Variants in PLAC1 observed in about 807,000 individuals in gnomAD.
PLAC1 encodes the protein placenta associated 1.
For synonymous variants in PLAC1, 68 were observed against 62.1 expected (o/e 1.09, Z -0.44); for missense variants, 136 against 163.2 (o/e 0.83, Z 0.91).
intron 1 of PLAC1, among the ~76,000 whole-genome samples, chrX:134,756,944 A>G (rs1000164811): frequency 8.9e-6 from 1 of 111,999 alleles, no homozygotes; most frequent in South Asian, 3.7e-4. Context: ...GCACGAGTCC[A>G]ATAATGGTAA....
intron 1 of PLAC1, among the ~76,000 whole-genome samples, chrX:134,758,175 A>C (rs1254278189): frequency 1.8e-5 from 2 of 110,811 alleles, no homozygotes; most frequent in Non-Finnish European, 3.8e-5. Flanking sequence ...GAAAAAAAAA[A>C]CCCATGCTCA....
At chrX:134,671,339 G>C (rs138055327) in intron 2 of PLAC1, among the ~76,000 whole-genome samples, 3 of 111,910 alleles carry the variant, frequency 2.7e-5, no homozygotes, top group African/African-American at 6.5e-5. Flanking sequence ...TGGGGAACAG[G>C]GGGGAAGGCT....
chrX:134,745,452 T>C, intron 1 of PLAC1, among the ~76,000 whole-genome samples: 1 of 111,646 alleles, frequency 9.0e-6, no homozygotes, highest in Non-Finnish European at 1.9e-5. Context: ...TATACTTACG[T>C]TAAACAATGT....
chrX:134,609,834 T>C (rs1445727266), intron 1 of PLAC1, among the ~76,000 whole-genome samples: 1 of 111,754 alleles, frequency 8.9e-6, no homozygotes, highest in East Asian at 2.8e-4. Flanking sequence ...CATGACCTCA[T>C]CTAAATCTAA....
At chrX:134,734,427 A>G (rs2078697488) in intron 1 of PLAC1, among the ~76,000 whole-genome samples, 1 of 112,332 alleles carries the variant, frequency 8.9e-6, no homozygotes, top group Non-Finnish European at 1.9e-5. Context: ...GACCTGCAGG[A>G]GTTAAAATGC....
chrX:134,711,427 A>G (rs1305151999), intron 2 of PLAC1, among the ~76,000 whole-genome samples: 2 of 112,114 alleles, frequency 1.8e-5, no homozygotes, highest in Non-Finnish European at 3.8e-5. Context: ...CACACAATTT[A>G]AATATTTCTT....
chrX:134,648,832 CT>C (rs1275600809), intron 1 of PLAC1, among the ~76,000 whole-genome samples: 1 of 112,228 alleles, frequency 8.9e-6, no homozygotes, highest in Non-Finnish European at 1.9e-5. Flanking sequence ...CTCTCTACTG[CT>C]TAAGCTAAGA....
At chrX:134,657,297 C>T (rs1451463013) in intron 1 of PLAC1, among the ~76,000 whole-genome samples, 1 of 112,386 alleles carries the variant, frequency 8.9e-6, no homozygotes, top group Non-Finnish European at 1.9e-5. Context: ...AAAATGCATT[C>T]AGTACCCTAA....
intron 1 of PLAC1, among the ~76,000 whole-genome samples, chrX:134,736,844 T>G (rs1176448323): frequency 8.9e-6 from 1 of 112,062 alleles, no homozygotes; most frequent in Non-Finnish European, 1.9e-5. Context: ...CGAAGGGCAT[T>G]GTGTTTGATT....
intron 1 of PLAC1, among the ~76,000 whole-genome samples, chrX:134,753,926 T>C (rs2078750551): frequency 9.0e-6 from 1 of 111,576 alleles, no homozygotes; most frequent in Admixed American, 9.5e-5. Context: ...AAAACTTAAA[T>C]ACCCCGGATG....
At chrX:134,749,408 T>C (rs1208951896) in intron 1 of PLAC1, among the ~76,000 whole-genome samples, 1 of 111,645 alleles carries the variant, frequency 9.0e-6, no homozygotes, top group Admixed American at 9.5e-5. Flanking sequence ...AGTGGGAGGA[T>C]CCCTTGAACC....
intron 2 of PLAC1, among the ~76,000 whole-genome samples, chrX:134,665,889 A>C (rs952282826): frequency 2.7e-5 from 3 of 110,953 alleles, no homozygotes; most frequent in South Asian, 7.8e-4. Flanking sequence ...TGGGCCTTGT[A>C]TCACCTCCTT....
Position 134,570,867 on chromosome X carries a change from C to T in PLAC1, c.-58-4127G>A, listed in dbSNP as rs1602784679. On this transcript the variant is annotated intron_variant, in intron 2 of 2. Transcript: ENST00000359237. Reference sequence around the variant, plus strand: ...TCTTTCCCTTTTTTTCAAGAACTCCCTAATAAGCCTTAATAAATTTTCTAC... The same window carrying T: ...TCTTTCCCTTTTTTTCAAGAACTCCTTAATAAGCCTTAATAAATTTTCTAC... Among the ~76,000 whole-genome samples, 5 of 112,073 alleles carry T rather than the reference C, an allele frequency of 4.5e-5. No homozygotes were observed. The South Asian group carries it at 1.9e-3, about 42-fold the overall frequency.
intron 2 of PLAC1, among the ~76,000 whole-genome samples, chrX:134,723,308 CTT>C (rs150713448): frequency 3.0e-4 from 29 of 96,283 alleles, no homozygotes; most frequent in Non-Finnish European, 2.5e-4. Context: ...AATTGTATTA[CTT>C]TTTTTTTTTT....
chrX:134,684,706 C>T (rs772032542), intron 2 of PLAC1, among the ~76,000 whole-genome samples: 1 of 111,717 alleles, frequency 9.0e-6, no homozygotes, highest in East Asian at 2.8e-4. Context: ...AGGGACTGTG[C>T]AGTTTCCCTT....
At chrX:134,592,617 C>T (rs1241609156) in intron 2 of PLAC1, among the ~76,000 whole-genome samples, 4 of 110,999 alleles carry the variant, frequency 3.6e-5, no homozygotes, top group African/African-American at 1.3e-4. Context: ...GAGTCTCCAG[C>T]CTGCTGGCCT....
At chrX:134,656,247 T>C (rs1040382709) in intron 1 of PLAC1, among the ~76,000 whole-genome samples, 2 of 112,063 alleles carry the variant, frequency 1.8e-5, no homozygotes, top group African/African-American at 6.5e-5. Flanking sequence ...CAGAGACCGA[T>C]CTCTACCTAA....
At chrX:134,672,301 C>G (rs772121220) in intron 2 of PLAC1, among the ~76,000 whole-genome samples, 178 of 110,893 alleles carry the variant, frequency 1.6e-3, no homozygotes, top group Middle Eastern at 4.6e-3. Context: ...AAGGGCTTAT[C>G]ATAACATCCT....
chrX:134,650,389 G>A (rs2078356331), intron 1 of PLAC1, among the ~76,000 whole-genome samples: 1 of 111,452 alleles, frequency 9.0e-6, no homozygotes, highest in South Asian at 3.8e-4. Context: ...AGCTGACACT[G>A]GGAAGTCTCG....
Sources: gnomAD v4.1 joint callset for allele counts (sites outside exome capture counted in the v4.1 genomes callset) on GRCh38, gnomAD v4.1.1 for gene constraint, MANE v1.5 for transcripts, NCBI Gene and HGNC (gene_info 2026-07-23, HGNC 2026-07-21) for gene names.